PLEKHA6: variants seen among roughly 807,000 people sequenced by gnomAD.
PLEKHA6 encodes pleckstrin homology domain-containing family A member 6.
A neutral mutation model predicts 116.7 loss-of-function variants in PLEKHA6; 60 were observed. The observed-to-expected ratio is 0.51, with a 90% confidence interval of 0.42 to 0.64. The LOEUF (loss-of-function observed/expected upper bound fraction) is 0.64, where lower values mean the gene tolerates loss of function less well. Ranked by LOEUF, PLEKHA6 falls within the 30% of genes least tolerant of loss-of-function variation. The probability of loss-of-function intolerance (pLI) is 0.00; values close to 1 mark genes in which losing one functional copy is unlikely to be tolerated. For synonymous variants in PLEKHA6, 489 were observed against 556.1 expected (o/e 0.88, Z 1.70); for missense variants, 1,338 against 1,422.7 (o/e 0.94, Z 0.96).
chr1:204,274,396 C>T lies in PLEKHA6; in HGVS notation c.-14+333G>A, dbSNP rs1667803755. ...CAGGATCCACAGTGAGAGGAATTAG[C>T]ATTTGGCTCTCATGATCATATCAGA... On this transcript the variant is annotated intron_variant, in intron 2 of 22. Coordinates refer to ENST00000272203, the MANE Select transcript of PLEKHA6 (RefSeq NM_014935.5). 2.0e-5 allele frequency among the ~76,000 whole-genome samples: 3 copies of T among 152,162 alleles called. No individual in the cohort carries two copies. The South Asian group carries it at 6.2e-4, about 31-fold the overall frequency.
chr1:204,308,687 C>CTTTTTTTT (rs60251937), intron 1 of PLEKHA6, among the ~76,000 whole-genome samples: 6,724 of 81,294 alleles, frequency 0.083, 1,086 homozygotes, highest in Non-Finnish European at 0.095. Flanking sequence ...TTTTCTTTTT[C>CTTTTTTTT]TTTTTTTTTT....
chr1:204,239,424 A>G (rs1662496726), intron 17 of PLEKHA6, among the ~76,000 whole-genome samples: 1 of 152,216 alleles, frequency 6.6e-6, no homozygotes, highest in African/African-American at 2.4e-5. Flanking sequence ...TCCATCATGG[A>G]AAGGGCAGAG....
At chr1:204,305,936 A>T (rs1030897221) in intron 1 of PLEKHA6, among the ~76,000 whole-genome samples, 1 of 152,118 alleles carries the variant, frequency 6.6e-6, no homozygotes, top group South Asian at 2.1e-4. Flanking sequence ...CATTTCTCCC[A>T]CTATATTCAG....
intron 1 of PLEKHA6, among the ~76,000 whole-genome samples, chr1:204,339,946 A>G (rs958163773): frequency 6.6e-6 from 1 of 152,252 alleles, no homozygotes; most frequent in Admixed American, 6.5e-5. Context: ...ACTAATTACA[A>G]CTATATAAAC....
At chr1:204,319,974 A>C (rs1671999406) in intron 1 of PLEKHA6, among the ~76,000 whole-genome samples, 1 of 152,174 alleles carries the variant, frequency 6.6e-6, no homozygotes, top group African/African-American at 2.4e-5. Flanking sequence ...TAATTCTAAC[A>C]GGGACGAGTG....
At chr1:204,343,925 C>T (rs1296440670) in intron 1 of PLEKHA6, among the ~76,000 whole-genome samples, 2 of 152,168 alleles carry the variant, frequency 1.3e-5, no homozygotes, top group Non-Finnish European at 2.9e-5. Context: ...TAATGAGCTA[C>T]ATTAAGCCCA....
chr1:204,254,365 G>A (rs1473610123), intron 9 of PLEKHA6, among the ~76,000 whole-genome samples: 3 of 152,220 alleles, frequency 2.0e-5, no homozygotes, highest in South Asian at 2.1e-4. Flanking sequence ...TTGCGACACC[G>A]ACATGAAGCC....
chr1:204,239,347 G>A (rs1662486332), intron 17 of PLEKHA6, among the ~76,000 whole-genome samples: 1 of 152,182 alleles, frequency 6.6e-6, no homozygotes, highest in Non-Finnish European at 1.5e-5. Flanking sequence ...TTGAGCCCTT[G>A]ATATGGCACG....
At chr1:204,289,963 T>A (rs1164017435) in intron 1 of PLEKHA6, among the ~76,000 whole-genome samples, 1 of 152,162 alleles carries the variant, frequency 6.6e-6, no homozygotes, top group African/African-American at 2.4e-5. Context: ...AGCATAAAAT[T>A]AAGGGATACT....
intron 1 of PLEKHA6, among the ~76,000 whole-genome samples, chr1:204,276,045 C>T (rs1667968955): frequency 1.3e-5 from 2 of 152,186 alleles, no homozygotes; most frequent in African/African-American, 4.8e-5. Flanking sequence ...AGGAAAATAA[C>T]CTTTTGGGGG....
intron 3 of PLEKHA6, among the ~76,000 whole-genome samples, chr1:204,271,102 A>G (rs1290627010): frequency 6.6e-6 from 1 of 152,190 alleles, no homozygotes; most frequent in East Asian, 1.9e-4. Context: ...AGCCCAACAC[A>G]AACTTTCTTA....
intron 2 of PLEKHA6, among the ~76,000 whole-genome samples, chr1:204,370,445 T>C (rs1673752385): frequency 1.3e-5 from 2 of 152,238 alleles, no homozygotes; most frequent in Admixed American, 6.5e-5. Context: ...CCCCGCACTG[T>C]GACCCACACC....
chr1:204,236,272 T>C (rs1662038595), intron 17 of PLEKHA6, among the ~76,000 whole-genome samples: 1 of 152,200 alleles, frequency 6.6e-6, no homozygotes, highest in African/African-American at 2.4e-5. Context: ...GAAATATGGA[T>C]AAAAGATGGC....
chr1:204,232,781 G>A (rs1213082895), intron 17 of PLEKHA6, among the ~76,000 whole-genome samples: 1 of 152,144 alleles, frequency 6.6e-6, no homozygotes, highest in Non-Finnish European at 1.5e-5. Flanking sequence ...AGAGGCAGGG[G>A]CTGATGGAGT....
intron 1 of PLEKHA6, among the ~76,000 whole-genome samples, chr1:204,358,742 T>C (rs1458063714): frequency 6.6e-6 from 1 of 151,594 alleles, no homozygotes; most frequent in Non-Finnish European, 1.5e-5. Context: ...CTCCTGCAGC[T>C]CTCCCTCCCC....
At chr1:204,314,962 C>T (rs17405718) in intron 1 of PLEKHA6, among the ~76,000 whole-genome samples, 29,806 of 151,412 alleles carry the variant, frequency 0.2, 3,382 homozygotes, top group Non-Finnish European at 0.25. Context: ...TGATCCAGAG[C>T]TCTGCCAGCT....
rs1396224541 is a variant in PLEKHA6 at position 204,261,694 on chromosome 1, C to G, written c.382-246G>C. ...GCTCTCTGGGCACCATTAGGCAGCC[C>G]AATAACCAGGTCAGCCTACTTGCCC... On this transcript the variant is annotated intron_variant, in intron 6 of 22. Coordinates refer to ENST00000272203, the MANE Select transcript of PLEKHA6 (RefSeq NM_014935.5). This position sits in a 1 kb window ranked among gnomAD's most constrained non-coding sequence, Gnocchi z 4.0. 2.0e-5 allele frequency among the ~76,000 whole-genome samples: 3 copies of G among 152,180 alleles called. No individual in the cohort carries two copies. The highest frequency in any genetic ancestry group is 4.4e-5 in the Non-Finnish European group (3 of 68,026).
intron 17 of PLEKHA6, among the ~76,000 whole-genome samples, chr1:204,235,671 G>C (rs1018839934): frequency 7.9e-6 from 1 of 126,564 alleles, no homozygotes; most frequent in African/African-American, 3.1e-5. Flanking sequence ...CTTAGAATGG[G>C]GACATGTAGG....
chr1:204,262,964 G>A (rs190266568), intron 6 of PLEKHA6, among the ~76,000 whole-genome samples: 12 of 152,138 alleles, frequency 7.9e-5, no homozygotes, highest in East Asian at 5.8e-4. Context: ...GGCAGGGCTC[G>A]TGGGTGTGTC....
Sources: allele counts gnomAD v4.1 joint callset (sites outside exome capture counted in the v4.1 genomes callset), GRCh38; gene constraint gnomAD v4.1.1; non-coding constraint Gnocchi (gnomAD v3.1); transcripts MANE v1.5; gene names NCBI Gene and HGNC (gene_info 2026-07-23, HGNC 2026-07-21).